Variants in NRXN3 observed in about 807,000 individuals in gnomAD.
NRXN3 encodes neurexin 3.
Under a neutral mutation model 137.6 loss-of-function variants are expected in NRXN3, and 32 were observed. The observed-to-expected ratio is 0.23, with a 90% CI of 0.18 to 0.31. NRXN3 has a LOEUF of 0.31. NRXN3 is among the 10% of genes least tolerant of loss of function. NRXN3 has a pLI of 1.00. For synonymous variants in NRXN3, 798 were observed against 784.5 expected, an observed-to-expected ratio of 1.02 and a Z score of -0.29; for missense variants, 1,574 against 2,062.5, an observed-to-expected ratio of 0.76 and a Z score of 4.59.
intron 10 of NRXN3, among the ~76,000 whole-genome samples, chr14:78,845,973 C>G (rs1488361997): frequency 1.3e-5 from 2 of 150,546 alleles, no homozygotes; most frequent in African/African-American, 4.9e-5. Context: ...TTTTACTCAG[C>G]CAACGCTTTA....
intron 15 of NRXN3, among the ~76,000 whole-genome samples, chr14:79,294,120 C>G (rs1257254424): frequency 1.3e-5 from 2 of 152,128 alleles, no homozygotes; most frequent in African/African-American, 4.8e-5. Flanking sequence ...GAGGGTCGTG[C>G]TGCAGTTTAG....
At chr14:79,700,899 T>A (rs2098752202) in intron 19 of NRXN3, among the ~76,000 whole-genome samples, 1 of 152,052 alleles carries the variant, frequency 6.6e-6, no homozygotes, top group Non-Finnish European at 1.5e-5. Context: ...TAGCTCTAGG[T>A]ACTCTATTGA....
chr14:78,996,137 TATTA>T, intron 15 of NRXN3, among the ~76,000 whole-genome samples: 1 of 152,326 alleles, frequency 6.6e-6, no homozygotes, highest in South Asian at 2.1e-4. Context: ...GGATAATTTT[TATTA>T]ATTTATATTC....
chr14:79,783,550 TTTC>T (rs2099120518), intron 19 of NRXN3, among the ~76,000 whole-genome samples: 1 of 152,206 alleles, frequency 6.6e-6, no homozygotes, highest in South Asian at 2.1e-4. Flanking sequence ...AAAACAGAAA[TTTC>T]TTCAACTCCA....
At position 79,242,122 on chromosome 14, in the gene NRXN3, A is replaced by G. The variant is rs116183238; in HGVS notation, c.3263-225099A>G. Among the ~76,000 whole-genome samples, 238 of 152,236 alleles carry G rather than the reference A, an allele frequency of 1.6e-3. 1 individual carries two copies. The highest frequency in any genetic ancestry group is 5.2e-3 in the African/African-American group (218 of 41,560). ...CCCTATCAGGTAAATCACTGTAATTAGCACCTATTTATCAGATGAGAAAAA... is the reference window on the plus strand; with the variant it reads ...CCCTATCAGGTAAATCACTGTAATTGGCACCTATTTATCAGATGAGAAAAA... On this transcript the variant is annotated intron_variant, in intron 15 of 20. Coordinates refer to ENST00000335750, the MANE Select transcript of NRXN3 (RefSeq NM_001330195.2).
At chr14:78,970,998 G>C (rs1168964183) in intron 14 of NRXN3, among the ~76,000 whole-genome samples, 1 of 152,180 alleles carries the variant, frequency 6.6e-6, no homozygotes, top group Admixed American at 6.5e-5. Flanking sequence ...CTTGTTGATT[G>C]TACACAAATG....
intron 15 of NRXN3, among the ~76,000 whole-genome samples, chr14:79,076,644 C>T (rs1176469549): frequency 2.0e-5 from 3 of 152,092 alleles, no homozygotes; most frequent in Non-Finnish European, 4.4e-5. Context: ...ATCCTGTCAC[C>T]TCTACTGTAT....
chr14:79,155,084 C>T (rs549572605), intron 15 of NRXN3, among the ~76,000 whole-genome samples: 5 of 151,946 alleles, frequency 3.3e-5, no homozygotes, highest in African/African-American at 7.2e-5. Flanking sequence ...TTTTCCTCCC[C>T]GTCGTGGAAA....
At chr14:78,433,413 C>T (rs1211450395) in intron 4 of NRXN3, among the ~76,000 whole-genome samples, 1 of 152,042 alleles carries the variant, frequency 6.6e-6, no homozygotes, top group Non-Finnish European at 1.5e-5. Context: ...TGTACGTTAG[C>T]TTGCTAGGAC....
At chr14:78,698,968 T>C (rs1056386848) in intron 6 of NRXN3, among the ~76,000 whole-genome samples, 1 of 152,038 alleles carries the variant, frequency 6.6e-6, no homozygotes, top group Non-Finnish European at 1.5e-5. Context: ...CATCAGGAAG[T>C]AGCCCTTGTG....
intron 15 of NRXN3, among the ~76,000 whole-genome samples, chr14:79,164,130 A>G (rs996577506): frequency 1.1e-3 from 163 of 151,946 alleles, no homozygotes; most frequent in African/African-American, 3.8e-3. Flanking sequence ...AGTCCCTTGT[A>G]TTGCTCTTTA....
intron 15 of NRXN3, among the ~76,000 whole-genome samples, chr14:79,046,004 T>C (rs1192138233): frequency 1.3e-5 from 2 of 152,238 alleles, no homozygotes; most frequent in African/African-American, 2.4e-5. Flanking sequence ...CTAATTACCC[T>C]GATGTGATTG....
chr14:78,269,767 G>A (rs1174769674), intron 2 of NRXN3, among the ~76,000 whole-genome samples: 2 of 152,216 alleles, frequency 1.3e-5, no homozygotes, highest in African/African-American at 2.4e-5. Context: ...GAATTGAAAA[G>A]TTTGCAGAAC....
intron 15 of NRXN3, among the ~76,000 whole-genome samples, chr14:79,059,258 T>TTTTTTTTTTTC (rs2099670957): frequency 2.9e-4 from 10 of 34,652 alleles, no homozygotes; most frequent in African/African-American, 5.1e-4. Context: ...TTCTTTTTTT[T>TTTTTTTTTTTC]TTTTTTTTTT....
chr14:79,436,942 C>G (rs2095854383), intron 15 of NRXN3, among the ~76,000 whole-genome samples: 1 of 152,228 alleles, frequency 6.6e-6, no homozygotes, highest in African/African-American at 2.4e-5. Flanking sequence ...CTTGTCCACG[C>G]TGCACACAGT....
chr14:79,153,761 C>T (rs2153040557), intron 15 of NRXN3, among the ~76,000 whole-genome samples: 1 of 152,058 alleles, frequency 6.6e-6, no homozygotes, highest in South Asian at 2.1e-4. Context: ...CTTGTTCCTT[C>T]CCCAACCCAT....
intron 4 of NRXN3, among the ~76,000 whole-genome samples, chr14:78,389,170 C>T (rs2090418936): frequency 6.6e-6 from 1 of 151,864 alleles, no homozygotes; most frequent in African/African-American, 2.4e-5. Flanking sequence ...ATTCTCTTGC[C>T]TCAGCCTCCC....
intron 15 of NRXN3, among the ~76,000 whole-genome samples, chr14:79,265,231 CTTTTTTTTTTT>C (rs936690790): frequency 1.1e-5 from 1 of 91,912 alleles, no homozygotes; most frequent in African/African-American, 3.9e-5. Context: ...GGGGGTTGCT[CTTTTTTTTTTT>C]TTTTTTTTTT....
chr14:79,674,110 G>A lies in NRXN3; in HGVS notation c.3616+10161G>A, dbSNP rs151118717. On this transcript the variant is annotated intron_variant, in intron 17 of 20. Transcript: ENST00000335750. The stretch of plus-strand genomic sequence containing the variant: ...TGGAGCCTGAAGATCAGACAGGGGC[G>A]AGCATGGAATACAATTTGGGATGTG... Among the ~76,000 whole-genome samples, 68 of 152,122 alleles carry A rather than the reference G, an allele frequency of 4.5e-4. 1 individual carries two copies. The East Asian group carries it at 0.012, about 28-fold the overall frequency.
Sources: gnomAD v4.1 joint callset for allele counts (sites outside exome capture counted in the v4.1 genomes callset) on GRCh38, gnomAD v4.1.1 for gene constraint, MANE v1.5 for transcripts, NCBI Gene and HGNC (gene_info 2026-07-23, HGNC 2026-07-21) for gene names.